LGSN: variants seen among roughly 807,000 people sequenced by gnomAD.
LGSN encodes the protein lengsin, lens protein with glutamine synthetase domain.
Under a neutral mutation model 19.5 loss-of-function variants are expected in LGSN, and 21 were observed. That is an observed-to-expected ratio of 1.07 (90% CI 0.76 to 1.55). The LOEUF is 1.55. Among genes scored for constraint, LGSN ranks in the 40% most tolerant of loss-of-function variants. The pLI, the probability that LGSN is intolerant of heterozygous loss-of-function variation, is 0.00. For synonymous variants in LGSN, 257 were observed against 215.6 expected, an observed-to-expected ratio of 1.19 and a Z score of -1.68; for missense variants, 673 against 608.5, an observed-to-expected ratio of 1.11 and a Z score of -1.12.
the LGSN span, among the ~76,000 whole-genome samples, chr6:63,477,765 C>G: frequency 7.7e-6 from 1 of 129,620 alleles, no homozygotes. Flanking sequence ...AACTCCTGGC[C>G]TCAAGAAATC....
the LGSN span, among the ~76,000 whole-genome samples, chr6:63,334,233 CA>C: frequency 2.7e-4 from 41 of 151,782 alleles, no homozygotes; most frequent in African/African-American, 8.0e-4. Context: ...TAAAAGACTA[CA>C]AAAAAAATTC....
At chr6:63,362,598 GC>G in the LGSN span, among the ~76,000 whole-genome samples, 2 of 152,264 alleles carry the variant, frequency 1.3e-5, no homozygotes, top group African/African-American at 4.8e-5. Flanking sequence ...CTCACTCACT[GC>G]TAGCACAGCA....
At chr6:63,381,829 G>C in the LGSN span, among the ~76,000 whole-genome samples, 16 of 152,298 alleles carry the variant, frequency 1.1e-4, no homozygotes, top group African/African-American at 3.9e-4. Flanking sequence ...TGGCATTATA[G>C]CTCAAAGCAT....
At position 63,280,298 on chromosome 6, in the gene LGSN, A is replaced by C. The variant is rs1278490533; in HGVS notation, c.1253T>G (p.Leu418Trp). 6.2e-7 allele frequency: 1 copy of C among 1,614,196 alleles called. No homozygotes were observed. The highest frequency in any genetic ancestry group is 1.1e-5 in the South Asian group (1 of 91,078). Residue 418 changes from leucine to tryptophan, a missense_variant, in exon 4 of 4, where the codon TTG becomes TGG. Transcript: ENST00000370657. ...GGCAGCAACAGTTGCAGCCAGCACC[A>C]AGTAAGGGTTTGCTGTTGCTGAGCC... ...KLGSATANPYLVLAATVAAGL... is the reference protein window; with the variant it reads ...KLGSATANPYWVLAATVAAGL...
At chr6:63,306,360 T>C (rs1430564775) in intron 1 of LGSN, among the ~76,000 whole-genome samples, 1 of 152,222 alleles carries the variant, frequency 6.6e-6, no homozygotes, top group African/African-American at 2.4e-5. Context: ...TTTTATTATA[T>C]AGTGTGATCT....
the LGSN span, among the ~76,000 whole-genome samples, chr6:63,432,235 A>G: frequency 1.3e-5 from 2 of 151,058 alleles, no homozygotes; most frequent in Non-Finnish European, 2.9e-5. Flanking sequence ...AACAGCATTA[A>G]TGTAGCACAC....
chr6:63,456,541 G>C, the LGSN span, among the ~76,000 whole-genome samples: 1 of 151,414 alleles, frequency 6.6e-6, no homozygotes, highest in African/African-American at 2.4e-5. Flanking sequence ...GTTTGCCTCA[G>C]TTTTTTTGTT....
At chr6:63,416,922 C>T in the LGSN span, among the ~76,000 whole-genome samples, 15 of 64,328 alleles carry the variant, frequency 2.3e-4, no homozygotes, top group Non-Finnish European at 2.8e-5. Flanking sequence ...TATGTACATA[C>T]ATATGTATGT....
intron 3 of LGSN, 71 bp from the exon 4 acceptor site, chr6:63,281,291 C>G (rs2127381125): frequency 1.6e-6 from 1 of 630,714 alleles, no homozygotes; most frequent in Non-Finnish European, 2.2e-6. Flanking sequence ...GGCGGGAAAG[C>G]CTTGCTAATG....
chr6:63,466,442 G>C, the LGSN span, among the ~76,000 whole-genome samples: 4 of 152,080 alleles, frequency 2.6e-5, no homozygotes, highest in African/African-American at 4.8e-5. Flanking sequence ...ACAGAAAAGT[G>C]ATCTGAATGA....
the LGSN span, among the ~76,000 whole-genome samples, chr6:63,416,716 C>T: frequency 6.6e-6 from 1 of 151,426 alleles, no homozygotes; most frequent in Non-Finnish European, 1.5e-5. Context: ...TACAGGCATC[C>T]ACCACCACGC....
the LGSN span, among the ~76,000 whole-genome samples, chr6:63,407,073 G>C: frequency 6.6e-6 from 1 of 151,924 alleles, no homozygotes; most frequent in Admixed American, 6.6e-5. Flanking sequence ...GGACCAGATG[G>C]ATTCACAGCC....
chr6:63,385,480 G>T, the LGSN span, among the ~76,000 whole-genome samples: 1 of 152,122 alleles, frequency 6.6e-6, no homozygotes, highest in Admixed American at 6.5e-5. Context: ...TCATCCTATT[G>T]ATACAATCAA....
At chr6:63,565,309 A>T in the LGSN span, among the ~76,000 whole-genome samples, 1 of 152,192 alleles carries the variant, frequency 6.6e-6, no homozygotes, top group African/African-American at 2.4e-5. Flanking sequence ...ATGTGAATAC[A>T]CATTCTCATT....
the LGSN span, among the ~76,000 whole-genome samples, chr6:63,330,058 G>A: frequency 6.6e-6 from 1 of 152,190 alleles, no homozygotes; most frequent in African/African-American, 2.4e-5. Flanking sequence ...CTTGCCCCAG[G>A]CACCCTCAGT....
chr6:63,294,203 G>T (rs796445721), intron 2 of LGSN, among the ~76,000 whole-genome samples: 3 of 151,854 alleles, frequency 2.0e-5, no homozygotes, highest in South Asian at 2.1e-4. Context: ...TGGCATGGTG[G>T]CATGCCCTGT....
At chr6:63,445,305 C>A in the LGSN span, among the ~76,000 whole-genome samples, 1 of 151,268 alleles carries the variant, frequency 6.6e-6, no homozygotes, top group Non-Finnish European at 1.5e-5. Flanking sequence ...AGGGAGACTC[C>A]GTCTCAAAAA....
chr6:63,526,944 T>A, the LGSN span, among the ~76,000 whole-genome samples: 1 of 151,784 alleles, frequency 6.6e-6, no homozygotes, highest in Non-Finnish European at 1.5e-5. Context: ...CATGATGTTA[T>A]GCACTTCTTC....
intron 2 of LGSN, among the ~76,000 whole-genome samples, chr6:63,291,238 TC>T (rs1767753477): frequency 6.6e-6 from 1 of 152,180 alleles, no homozygotes; most frequent in South Asian, 2.1e-4. Context: ...AGTTTTGCCA[TC>T]CACGGACGGC....
Sources: gnomAD v4.1 joint callset for allele counts (sites outside exome capture counted in the v4.1 genomes callset) on GRCh38, gnomAD v4.1.1 for gene constraint, MANE v1.5 for transcripts, NCBI Gene and HGNC (gene_info 2026-07-23, HGNC 2026-07-21) for gene names.